CPEB4: variants seen among roughly 807,000 people sequenced by gnomAD.
CPEB4 encodes cytoplasmic polyadenylation element-binding protein 4.
A neutral mutation model predicts 72.5 loss-of-function variants in CPEB4; 12 were observed. That is an observed-to-expected ratio of 0.17 (90% CI 0.11 to 0.27). The LOEUF is 0.27. Ranked by LOEUF, CPEB4 falls within the 10% of genes least tolerant of loss-of-function variation. The pLI is 1.00. For missense variants in CPEB4, 614 were observed against 908.5 expected, an observed-to-expected ratio of 0.68 and a Z score of 4.17; for synonymous variants, 302 against 326.3, an observed-to-expected ratio of 0.93 and a Z score of 0.80.
intron 1 of CPEB4, among the ~76,000 whole-genome samples, chr5:173,893,819 T>A (rs899711855): frequency 6.6e-6 from 1 of 152,220 alleles, no homozygotes; most frequent in Admixed American, 6.5e-5. Flanking sequence ...TGGGTACATA[T>A]AATGAATTAA....
At chr5:173,919,752 A>G (rs1300273579) in intron 2 of CPEB4, among the ~76,000 whole-genome samples, 3 of 152,220 alleles carry the variant, frequency 2.0e-5, no homozygotes, top group Non-Finnish European at 4.4e-5. Flanking sequence ...CTCTGCATTT[A>G]GTTTAGCAAC....
intron 1 of CPEB4, among the ~76,000 whole-genome samples, chr5:173,906,114 C>T (rs1756426261): frequency 6.6e-6 from 1 of 152,154 alleles, no homozygotes; most frequent in Non-Finnish European, 1.5e-5. Context: ...GAAAATAGGT[C>T]AGTGGTTATA....
intron 5 of CPEB4, among the ~76,000 whole-genome samples, chr5:173,948,153 A>G (rs139657838): frequency 6.6e-6 from 1 of 152,222 alleles, no homozygotes; most frequent in Admixed American, 6.5e-5. Flanking sequence ...AAACTCTTCT[A>G]CTGCACAATA....
Position 173,956,548 on chromosome 5 carries a change from C to T in CPEB4, c.*411C>T, listed in dbSNP as rs1233943220. On this transcript the variant is annotated 3_prime_UTR_variant, in exon 10 of 10. Transcript: ENST00000265085. ...TTAAAATAACCATGCAACAATAACA[C>T]TATCGGTCTATCTGACAGTTTTTCC... 6.6e-6 allele frequency: 1 copy of T among 151,716 alleles called. No homozygotes were observed. The highest frequency in any genetic ancestry group is 2.4e-5 in the African/African-American group (1 of 41,042). The allele number at this position is 151,716 out of a possible 1,614,324, so 9.4% of individuals were successfully genotyped here. A position where few individuals can be genotyped will look rare whatever the true frequency, so the allele number is the denominator to read the frequency against.
intron 3 of CPEB4, among the ~76,000 whole-genome samples, chr5:173,941,520 G>A (rs1334018240): frequency 1.3e-5 from 2 of 152,122 alleles, no homozygotes; most frequent in African/African-American, 4.8e-5. Flanking sequence ...CATTTATCTG[G>A]AAGAATGAGA....
In CPEB4 at chr5:173,945,236, A is replaced by G. The variant is rs920101253; in HGVS notation, c.1456+96A>G. 2.7e-5 allele frequency: 28 copies of G among 1,039,244 alleles called. No individual in the cohort carries two copies. In the Admixed American group the frequency reaches 3.4e-4, roughly 13 times the overall value. The allele number at this position is 1,039,244 out of a possible 1,614,324, so 64.4% of individuals were successfully genotyped here. A position where few individuals can be genotyped will look rare whatever the true frequency, so the allele number is the denominator to read the frequency against. ...ACAATAACAGTCTTATCTGGCTCCA[A>G]TAGTCAGCCCTGCTTGCATTGTTCT... On this transcript the variant is annotated intron_variant, in intron 5 of 9. Transcript: ENST00000265085.
chr5:173,949,284 A>T (rs1214504017), intron 5 of CPEB4, among the ~76,000 whole-genome samples: 2 of 152,122 alleles, frequency 1.3e-5, no homozygotes, highest in Non-Finnish European at 2.9e-5. Context: ...GGATGGCTAG[A>T]TTGATTTGTG....
intron 2 of CPEB4, among the ~76,000 whole-genome samples, chr5:173,912,165 A>G (rs1456402587): frequency 6.6e-6 from 1 of 152,068 alleles, no homozygotes; most frequent in Non-Finnish European, 1.5e-5. Flanking sequence ...TGGAAAGATG[A>G]TCTCCCACTC....
Position 173,955,300 on chromosome 5 carries a change from C to CTTACTGAG in CPEB4, c.1963-610_1963-609insTTACTGAG, listed in dbSNP as rs1758344522. 6.6e-6 allele frequency among the ~76,000 whole-genome samples: 1 copy of CTTACTGAG among 151,668 alleles called. No individual in the cohort carries two copies. The highest frequency in any genetic ancestry group is 1.5e-5 in the Non-Finnish European group (1 of 67,926). ...GTGAACCATTCTTACTGAGAAAGAACAAAGCAGGGTTTTAGACTGTGAATC... is the reference window on the plus strand; with the variant it reads ...GTGAACCATTCTTACTGAGAAAGAACTTACTGAGAAAGCAGGGTTTTAGACTGTGAATC... On this transcript the variant is annotated intron_variant, in intron 9 of 9. Coordinates refer to ENST00000265085, the MANE Select transcript of CPEB4 (RefSeq NM_030627.4). This position sits in a 1 kb window ranked among gnomAD's most constrained non-coding sequence, Gnocchi z 4.7.
At chr5:173,918,883 C>T (rs1462208687) in intron 2 of CPEB4, among the ~76,000 whole-genome samples, 1 of 152,110 alleles carries the variant, frequency 6.6e-6, no homozygotes, top group African/African-American at 2.4e-5. Context: ...ACATTGAACA[C>T]AAGGAATCCT....
chr5:173,917,006 A>G (rs972368635), intron 2 of CPEB4, among the ~76,000 whole-genome samples: 35 of 152,196 alleles, frequency 2.3e-4, no homozygotes, highest in African/African-American at 7.7e-4. Context: ...GCAGTCACTT[A>G]GTTGACTTAG....
rs538793976 is a variant in CPEB4 at position 173,937,400 on chromosome 5, G to C, written c.1258+4900G>C. 3.4e-4 allele frequency among the ~76,000 whole-genome samples: 52 copies of C among 152,146 alleles called. No individual in the cohort carries two copies. In the South Asian group the frequency reaches 0.011, roughly 32 times the overall value. On this transcript the variant is annotated intron_variant, in intron 3 of 9. Coordinates refer to ENST00000265085, the MANE Select transcript of CPEB4 (RefSeq NM_030627.4). ...AAAGAGGAAGATTGTTTGCTTGGGA[G>C]GGGGAAGAAATCTATCAAAAAGGAA...
rs747055124 is a variant in CPEB4 at position 173,890,844 on chromosome 5, A to G, written c.1111A>G (p.Ile371Val). The change falls in exon 1 of 10, where the codon ATT (isoleucine) becomes GTT (valine). Residue 371 changes from isoleucine to valine, a missense_variant. Physicochemically the swap from Ile to Val is conservative, Grantham distance 29 (BLOSUM62 3). Coordinates refer to ENST00000265085, the MANE Select transcript of CPEB4 (RefSeq NM_030627.4). ...AGATAGCTTGAACAGGGCTGACAAC[A>G]TTTTTCCTTTTCCGGTAAGATTATG... Reference protein sequence around the residue: ...MEDSLNRADNIFPFPDRPRTF... With the variant: ...MEDSLNRADNVFPFPDRPRTF... 1 of 1,609,062 alleles carries G rather than the reference A, an allele frequency of 6.2e-7. No homozygotes were observed.
chr5:173,897,029 A>G (rs1016328387), intron 1 of CPEB4, among the ~76,000 whole-genome samples: 1 of 152,246 alleles, frequency 6.6e-6, no homozygotes, highest in African/African-American at 2.4e-5. Context: ...CTTATATTGA[A>G]TAAAGTTATG....
At position 173,918,591 on chromosome 5, in the gene CPEB4, C is replaced by T. The variant is rs112597051; in HGVS notation, c.1207+7987C>T. The stretch of plus-strand genomic sequence containing the variant: ...ATAGGATCGGACTGAAGCCTTTCTC[C>T]CTCTAGCCTCTGAATGGAAACCAAC... On this transcript the variant is annotated intron_variant, in intron 2 of 9. Transcript: ENST00000265085. 2.1e-3 allele frequency among the ~76,000 whole-genome samples: 316 copies of T among 152,252 alleles called. 1 individual carries two copies. The highest frequency in any genetic ancestry group is 2.4e-3 in the Non-Finnish European group (162 of 68,016).
chr5:173,914,244 G>T (rs1756782023), intron 2 of CPEB4, among the ~76,000 whole-genome samples: 3 of 152,028 alleles, frequency 2.0e-5, no homozygotes, highest in Non-Finnish European at 4.4e-5. Context: ...ACTATCTTCT[G>T]ATTTAGATAG....
rs898428052 is a variant in CPEB4 at position 173,959,164 on chromosome 5, A to G, written c.*3027A>G. On this transcript the variant is annotated 3_prime_UTR_variant, in exon 10 of 10. Coordinates refer to ENST00000265085, the MANE Select transcript of CPEB4 (RefSeq NM_030627.4). ...TTACAGATTGTAGGGCATCACTTCA[A>G]TTCACCAAGCATGTAGTTCTAGCGC... The G allele has an allele frequency of 1.3e-5, 2 of 152,786 alleles. No individual in the cohort carries two copies. Among genetic ancestry groups the G allele is most frequent in the African/African-American group, 2.4e-5 (1 of 41,470 alleles). The allele number at this position is 152,786 out of a possible 1,614,324, so 9.5% of individuals were successfully genotyped here.
chr5:173,894,563 G>A (rs1379841253), intron 1 of CPEB4, among the ~76,000 whole-genome samples: 5 of 149,386 alleles, frequency 3.3e-5, no homozygotes, highest in Non-Finnish European at 7.4e-5. Context: ...GGAGGTTGCA[G>A]TGAGCTGAGA....
intron 3 of CPEB4, among the ~76,000 whole-genome samples, chr5:173,939,173 A>G (rs1409741845): frequency 2.0e-5 from 3 of 152,126 alleles, no homozygotes; most frequent in Non-Finnish European, 4.4e-5. Context: ...ATAGTCCCAC[A>G]TATCTATTTA....
Sources: gnomAD v4.1 joint callset for allele counts (sites outside exome capture counted in the v4.1 genomes callset) on GRCh38, gnomAD v4.1.1 for gene constraint, Gnocchi (gnomAD v3.1) non-coding constraint, MANE v1.5 for transcripts, NCBI Gene and HGNC (gene_info 2026-07-23, HGNC 2026-07-21) for gene names.